The following STAC variants were observed in gnomAD, a reference collection of about 807,000 sequenced individuals.
STAC encodes the protein SH3 and cysteine-rich domain-containing protein.
Under a neutral mutation model 48.8 loss-of-function variants are expected in STAC, and 43 were observed. The ratio of observed to expected loss-of-function variants is 0.88; its 90% CI spans 0.69 to 1.14. The LOEUF (loss-of-function observed/expected upper bound fraction) is 1.14, where lower values mean the gene tolerates loss of function less well. STAC is among the 50% of genes most tolerant of loss of function. The probability of loss-of-function intolerance (pLI) is 0.00; values close to 1 mark genes in which losing one functional copy is unlikely to be tolerated. For synonymous variants in STAC, 193 were observed against 179.5 expected (o/e 1.07, Z -0.60); for missense variants, 497 against 504.0 (o/e 0.99, Z 0.13).
intron 8 of STAC, among the ~76,000 whole-genome samples, chr3:36,512,151 T>G (rs1199301671): frequency 6.6e-6 from 1 of 152,180 alleles, no homozygotes; most frequent in Admixed American, 6.6e-5. Flanking sequence ...GTTTTCTCTA[T>G]TGCTGAGTAA....
intron 1 of STAC, among the ~76,000 whole-genome samples, chr3:36,385,284 A>C (rs1699592370): frequency 6.6e-6 from 1 of 152,174 alleles, no homozygotes; most frequent in Non-Finnish European, 1.5e-5. Flanking sequence ...CAATTTCAGC[A>C]GTCCCTTCTG....
At chr3:36,454,142 C>A (rs550305767) in intron 2 of STAC, among the ~76,000 whole-genome samples, 2 of 152,240 alleles carry the variant, frequency 1.3e-5, no homozygotes, top group Admixed American at 6.5e-5. Flanking sequence ...AGTAGCAACC[C>A]GCTCGGATCC....
intron 8 of STAC, among the ~76,000 whole-genome samples, chr3:36,510,837 T>C (rs1466841580): frequency 1.3e-5 from 2 of 151,980 alleles, no homozygotes; most frequent in African/African-American, 4.8e-5. Context: ...GGTATAGCAT[T>C]AGGAGAAATA....
At chr3:36,522,171 A>G (rs1698824037) in intron 8 of STAC, among the ~76,000 whole-genome samples, 1 of 152,244 alleles carries the variant, frequency 6.6e-6, no homozygotes, top group Non-Finnish European at 1.5e-5. Flanking sequence ...GTATATAAAT[A>G]TAATTGAGAT....
At chr3:36,436,336 G>C (rs1337285775) in intron 1 of STAC, among the ~76,000 whole-genome samples, 1 of 152,132 alleles carries the variant, frequency 6.6e-6, no homozygotes, top group Admixed American at 6.5e-5. Flanking sequence ...AGCTGCTAGA[G>C]TGACCCTTTT....
chr3:36,443,394 A>G lies in STAC; in HGVS notation c.142A>G (p.Lys48Glu). The G allele has an allele frequency of 2.5e-6, 4 of 1,614,188 alleles. No homozygotes were observed. The highest frequency in any genetic ancestry group is 2.5e-6 in the Non-Finnish European group (3 of 1,180,044). Reference sequence around the variant, plus strand: ...GAAACTAAAACGATCACTTTCTTTCAAGACCAAGAGTTTACGGAGCAAAAG... The same window carrying G: ...GAAACTAAAACGATCACTTTCTTTCGAGACCAAGAGTTTACGGAGCAAAAG... ...LQKLKRSLSF[K>E]TKSLRSKSAD... The change falls in exon 2 of 11, where the codon AAG (lysine) becomes GAG (glutamate). Residue 48 changes from lysine to glutamate, a missense_variant. Physicochemically the swap from Lys to Glu is moderately conservative, Grantham distance 56. Transcript: ENST00000273183. The surrounding 1 kb of genome is among the most constrained non-coding windows in gnomAD (Gnocchi z 4.2).
At chr3:36,462,550 A>T (rs1697048789) in intron 2 of STAC, among the ~76,000 whole-genome samples, 1 of 152,180 alleles carries the variant, frequency 6.6e-6, no homozygotes. Context: ...AATGTTAAAA[A>T]GTTGGGTAGA....
intron 8 of STAC, among the ~76,000 whole-genome samples, chr3:36,518,209 G>T (rs1698719931): frequency 6.6e-6 from 1 of 152,134 alleles, no homozygotes; most frequent in South Asian, 2.1e-4. Context: ...ATGACTTCAA[G>T]TAAACATAAA....
At position 36,487,180 on chromosome 3, in the gene STAC, G is replaced by T. The variant is rs115319898; in HGVS notation, c.687+931G>T. On this transcript the variant is annotated intron_variant, in intron 5 of 10. Coordinates refer to ENST00000273183, the MANE Select transcript of STAC (RefSeq NM_003149.3). ...GAAGCAGCTTCCTCATTGGGTGCAG[G>T]TTAAGCCACAAGATTGTAGGTAGGT... Among the ~76,000 whole-genome samples the T allele has an allele frequency of 5.0e-3, 764 of 152,314 alleles. 7 individuals carry two copies. The highest frequency in any genetic ancestry group is 0.017 in the African/African-American group (724 of 41,576).
At chr3:36,527,693 A>G (rs1698967635) in intron 8 of STAC, among the ~76,000 whole-genome samples, 1 of 152,206 alleles carries the variant, frequency 6.6e-6, no homozygotes, top group South Asian at 2.1e-4. Flanking sequence ...CATGAAAGAA[A>G]TAGTAGAGAA....
rs959949245 is a variant in STAC, at chr3:36,428,584, T to C, written c.112-14780T>C. ...AGGAAATGGGGATAGAGCACAGGGA[T>C]CGGGGAAGTCTCGTGTGAATGACCT... On this transcript the variant is annotated intron_variant, in intron 1 of 10. Transcript: ENST00000273183. Among the ~76,000 whole-genome samples the C allele has an allele frequency of 2.0e-5, 3 of 151,834 alleles. 1 individual carries two copies. The highest frequency in any genetic ancestry group is 4.2e-4 in the South Asian group (2 of 4,806).
rs78558400 is a variant in STAC, at chr3:36,517,286, T to G, written c.921-11410T>G. On this transcript the variant is annotated intron_variant, in intron 8 of 10. Transcript: ENST00000273183. ...ACCAATTACCCTTATTATCAACTTT[T>G]TTGAAGAGCCCTGAAAATTACACTT... is the stretch of plus-strand genomic sequence containing the variant. 1.6e-3 allele frequency among the ~76,000 whole-genome samples: 238 copies of G among 152,298 alleles called. 3 individuals carry two copies. In the East Asian group the frequency reaches 0.043, roughly 28 times the overall value.
intron 1 of STAC, among the ~76,000 whole-genome samples, chr3:36,388,462 A>C (rs1033530729): frequency 6.6e-6 from 1 of 151,998 alleles, no homozygotes; most frequent in East Asian, 1.9e-4. Context: ...TACATTTTCA[A>C]TGTAGAAGTT....
chr3:36,388,424 A>G (rs1699669999), intron 1 of STAC, among the ~76,000 whole-genome samples: 1 of 152,012 alleles, frequency 6.6e-6, no homozygotes, highest in South Asian at 2.1e-4. Flanking sequence ...ATTTTCCCAG[A>G]TTGAAATTTG....
At position 36,477,145 on chromosome 3, in the gene STAC, A is replaced by G. The variant is rs1697514485; in HGVS notation, c.389-5847A>G. Among the ~76,000 whole-genome samples, 4 of 152,306 alleles carry G rather than the reference A, an allele frequency of 2.6e-5. No individual in the cohort carries two copies. In the South Asian group the frequency reaches 8.3e-4, roughly 32 times the overall value. ...AAAGAGTCTTTTTTCTCTAATTTAT[A>G]CTAATTTCATCAAATAAATTATAGG... On this transcript the variant is annotated intron_variant, in intron 2 of 10. Transcript: ENST00000273183.
At chr3:36,423,089 G>A (rs1193202079) in intron 1 of STAC, among the ~76,000 whole-genome samples, 1 of 151,924 alleles carries the variant, frequency 6.6e-6, no homozygotes, top group Non-Finnish European at 1.5e-5. Context: ...TGTTTCCCTG[G>A]GACATCTCAT....
intron 1 of STAC, among the ~76,000 whole-genome samples, chr3:36,437,205 G>C (rs1282006853): frequency 4.0e-5 from 6 of 150,572 alleles, no homozygotes; most frequent in East Asian, 3.9e-4. Context: ...AACCATTGTG[G>C]AAGTCAGTGT....
In STAC at chr3:36,486,265, C is replaced by T; in HGVS notation, c.687+16C>T. ...CAGAACCTCTGTAATTATCCTCTTC[C>T]TTCCTCGGTTTGTCTGTGGTGGTCT... On this transcript the variant is annotated intron_variant, in intron 5 of 10. Transcript: ENST00000273183. The T allele has an allele frequency of 1.2e-6, 2 of 1,608,176 alleles. No homozygotes were observed. The highest frequency in any genetic ancestry group is 1.7e-6 in the Non-Finnish European group (2 of 1,175,960).
chr3:36,380,765 C>T lies in STAC; in HGVS notation c.111+11C>T, dbSNP rs201054931. 6 of 1,599,148 alleles carry T rather than the reference C, an allele frequency of 3.8e-6. No individual in the cohort carries two copies. The South Asian group carries it at 5.6e-5, about 15-fold the overall frequency. On this transcript the variant is annotated intron_variant, in intron 1 of 10. Transcript: ENST00000273183. ...AGCCAGGAATCCAAGGTACCGAGCA[C>T]GCTTGCCCCCAAGAGAACACAAACT...
Sources: gnomAD v4.1 joint callset for allele counts (sites outside exome capture counted in the v4.1 genomes callset) on GRCh38, gnomAD v4.1.1 for gene constraint, Gnocchi (gnomAD v3.1) non-coding constraint, MANE v1.5 for transcripts, NCBI Gene and HGNC (gene_info 2026-07-23, HGNC 2026-07-21) for gene names.